The following GSTCD variants were observed in gnomAD, a reference collection of about 807,000 sequenced individuals.
The protein encoded by GSTCD is glutathione S-transferase C-terminal domain-containing protein.
Under a neutral mutation model 68.3 loss-of-function variants are expected in GSTCD, and 44 were observed. The ratio of observed to expected loss-of-function variants is 0.64; its 90% confidence interval spans 0.51 to 0.83. The LOEUF is 0.83. Ranked by LOEUF, GSTCD falls within the 40% of genes least tolerant of loss-of-function variation. The probability of loss-of-function intolerance (pLI) is 0.00; values close to 1 mark genes in which losing one functional copy is unlikely to be tolerated. For synonymous variants in GSTCD, 273 were observed against 255.2 expected (o/e 1.07, Z -0.67); for missense variants, 739 against 735.9 (o/e 1.00, Z -0.05).
chr4:105,758,998 T>C (rs908161695), intron 5 of GSTCD, among the ~76,000 whole-genome samples: 4 of 152,224 alleles, frequency 2.6e-5, no homozygotes, highest in Non-Finnish European at 5.9e-5. Flanking sequence ...AAAATGAATA[T>C]ATTAATCTTT....
At chr4:105,723,312 C>T (rs1016227308) in intron 3 of GSTCD, among the ~76,000 whole-genome samples, 1 of 151,768 alleles carries the variant, frequency 6.6e-6, no homozygotes, top group Non-Finnish European at 1.5e-5. Context: ...TACTTTAACT[C>T]AGTAAATACA....
At chr4:105,742,646 GAATT>G (rs909070549) in intron 5 of GSTCD, among the ~76,000 whole-genome samples, 3 of 151,772 alleles carry the variant, frequency 2.0e-5, no homozygotes, top group Admixed American at 6.6e-5. Context: ...ATGGAAGTGA[GAATT>G]AATTACTGCC....
chr4:105,783,007 G>A (rs1578471335), intron 5 of GSTCD, among the ~76,000 whole-genome samples: 1 of 151,970 alleles, frequency 6.6e-6, no homozygotes, highest in South Asian at 2.1e-4. Context: ...TAACTATGCT[G>A]GAACACAAGT....
At chr4:105,790,302 T>A (rs955979577) in intron 5 of GSTCD, among the ~76,000 whole-genome samples, 3 of 152,014 alleles carry the variant, frequency 2.0e-5, no homozygotes, top group Non-Finnish European at 2.9e-5. Context: ...CTTACATAAT[T>A]TACATTATGA....
intron 5 of GSTCD, among the ~76,000 whole-genome samples, chr4:105,794,434 T>G (rs1403857771): frequency 6.6e-6 from 1 of 152,028 alleles, no homozygotes; most frequent in Non-Finnish European, 1.5e-5. Context: ...TCAATGTAGG[T>G]TCATCACTAT....
intron 5 of GSTCD, among the ~76,000 whole-genome samples, chr4:105,802,389 A>T (rs1379827424): frequency 1.3e-5 from 2 of 152,100 alleles, no homozygotes; most frequent in Admixed American, 1.3e-4. Flanking sequence ...TTCATGCCTT[A>T]ATACTTAAAG....
intron 5 of GSTCD, among the ~76,000 whole-genome samples, chr4:105,817,085 A>G (rs1358808872): frequency 6.6e-6 from 1 of 151,970 alleles, no homozygotes; most frequent in African/African-American, 2.4e-5. Flanking sequence ...ATTTCTTTTA[A>G]GAACATTGTA....
In GSTCD at chr4:105,719,393, A is replaced by G. The variant is rs1732789722; in HGVS notation, c.760A>G (p.Thr254Ala). The change falls in exon 3 of 12, where the codon ACT (threonine) becomes GCT (alanine). Residue 254 changes from threonine to alanine, a missense_variant. Transcript: ENST00000515279. ...GCTCACAGTACAGGAAGAACCAGCT[A>G]CTACCAACAGAGAGCCTTCTCACAT... ...SKLTVQEEPA[T>A]TNREPSHIRK... 5 of 1,614,002 alleles carry G rather than the reference A, an allele frequency of 3.1e-6. No homozygotes were observed. In the South Asian group the frequency reaches 3.3e-5, roughly 11 times the overall value.
Position 105,718,028 on chromosome 4 carries a change from G to A in GSTCD, c.415G>A (p.Ala139Thr), listed in dbSNP as rs1199636775. Residue 139 changes from alanine (A) to threonine (T), a missense_variant, in exon 2 of 12, where the codon GCC (alanine) becomes ACC (threonine). Coordinates refer to ENST00000515279, the MANE Select transcript of GSTCD (RefSeq NM_001370181.1). ...LLGFKKTCLK[A>T]CAEVSQWTRL... ...GGGCTTTAAAAAGACTTGCTTGAAA[G>A]CCTGTGCTGAAGTAAGTATAATGTC... is the stretch of plus-strand genomic sequence containing the variant. The A allele has an allele frequency of 5.0e-6, 8 of 1,604,874 alleles. No homozygotes were observed. Among genetic ancestry groups the A allele is most frequent in the Non-Finnish European group, 6.8e-6 (8 of 1,176,654 alleles).
At chr4:105,794,657 A>T (rs762199922) in intron 5 of GSTCD, among the ~76,000 whole-genome samples, 3 of 151,868 alleles carry the variant, frequency 2.0e-5, no homozygotes, top group Non-Finnish European at 4.4e-5. Flanking sequence ...CAAGGGTTTA[A>T]CAACTCTGTG....
chr4:105,753,655 C>T (rs1734082251), intron 5 of GSTCD, among the ~76,000 whole-genome samples: 1 of 151,946 alleles, frequency 6.6e-6, no homozygotes, highest in Non-Finnish European at 1.5e-5. Context: ...CCATTTGTAT[C>T]AGGGACTTGA....
Position 105,782,238 on chromosome 4 carries a change from C to G in GSTCD, c.1241-40716C>G, listed in dbSNP as rs367921754. Among the ~76,000 whole-genome samples the G allele has an allele frequency of 1.2e-4, 19 of 152,294 alleles. 1 individual carries two copies. The East Asian group carries it at 1.7e-3, about 14-fold the overall frequency. Reference sequence around the variant, plus strand: ...GACGGCCAGGTGTGGTGGCTCATGCCTGTAATCCCAGCACTTTGGAAGGCC... The same window carrying G: ...GACGGCCAGGTGTGGTGGCTCATGCGTGTAATCCCAGCACTTTGGAAGGCC... On this transcript the variant is annotated intron_variant, in intron 5 of 11. Transcript: ENST00000515279.
chr4:105,733,272 A>G (rs1203184924), intron 5 of GSTCD, among the ~76,000 whole-genome samples: 1 of 152,148 alleles, frequency 6.6e-6, no homozygotes, highest in African/African-American at 2.4e-5. Flanking sequence ...TGATCTGTCT[A>G]ATGTTGACAG....
intron 10 of GSTCD, among the ~76,000 whole-genome samples, chr4:105,839,778 A>C (rs541708932): frequency 4.1e-4 from 63 of 152,202 alleles, no homozygotes; most frequent in Non-Finnish European, 8.1e-4. Context: ...ATGCTAGTTA[A>C]ACCAAACAAT....
At chr4:105,807,887 T>G (rs1472884827) in intron 5 of GSTCD, among the ~76,000 whole-genome samples, 1 of 152,160 alleles carries the variant, frequency 6.6e-6, no homozygotes, top group African/African-American at 2.4e-5. Flanking sequence ...CTCAATGGTT[T>G]TAGCATCCGT....
chr4:105,829,563 A>G lies in GSTCD; in HGVS notation c.1530+3763A>G, dbSNP rs1023159055. The stretch of plus-strand genomic sequence containing the variant: ...GTGGCAGGCAAGAGTGTGTGCAGGG[A>G]AACTCCCCTTTATAAAACGATCAGA... On this transcript the variant is annotated intron_variant, in intron 8 of 11. Coordinates refer to ENST00000515279, the MANE Select transcript of GSTCD (RefSeq NM_001370181.1). Among the ~76,000 whole-genome samples, 7 of 152,270 alleles carry G rather than the reference A, an allele frequency of 4.6e-5. No individual in the cohort carries two copies. In the South Asian group the frequency reaches 1.4e-3, roughly 32 times the overall value.
chr4:105,729,543 C>G, intron 5 of GSTCD, 44 bp downstream of exon 5: 2 of 1,287,430 alleles, frequency 1.6e-6, no homozygotes, highest in Middle Eastern at 3.7e-4. Context: ...ACTTTGGATA[C>G]TGTCTTCAGA....
intron 9 of GSTCD, among the ~76,000 whole-genome samples, chr4:105,837,222 C>A (rs1272763308): frequency 6.6e-6 from 1 of 152,100 alleles, no homozygotes; most frequent in Non-Finnish European, 1.5e-5. Flanking sequence ...GTAAACTCAC[C>A]AACCCAGAGC....
chr4:105,763,883 A>C (rs1008836700), intron 5 of GSTCD, among the ~76,000 whole-genome samples: 1 of 152,176 alleles, frequency 6.6e-6, no homozygotes, highest in African/African-American at 2.4e-5. Context: ...CCCCAGAGGT[A>C]GTTGTAACCC....
Sources: gnomAD v4.1 joint callset for allele counts (sites outside exome capture counted in the v4.1 genomes callset) on GRCh38, gnomAD v4.1.1 for gene constraint, MANE v1.5 for transcripts, NCBI Gene and HGNC (gene_info 2026-07-23, HGNC 2026-07-21) for gene names.